RANBP3: variants seen among roughly 807,000 people sequenced by gnomAD.
RANBP3 encodes ran-binding protein 3.
Under a neutral mutation model 77.3 loss-of-function variants are expected in RANBP3, and 14 were observed. That is an observed-to-expected ratio of 0.18 (90% confidence interval 0.12 to 0.28). The LOEUF is 0.28. Ranked by LOEUF, RANBP3 falls within the 10% of genes least tolerant of loss-of-function variation. The pLI is 1.00. For missense variants in RANBP3, 586 were observed against 752.3 expected, an observed-to-expected ratio of 0.78 and a Z score of 2.59; for synonymous variants, 315 against 312.4, an observed-to-expected ratio of 1.01 and a Z score of -0.09.
rs528348451 is a variant in RANBP3 at position 5,966,337 on chromosome 19, G to A, written c.23-8364C>T. On this transcript the variant is annotated intron_variant, in intron 1 of 16. Transcript: ENST00000340578. The stretch of plus-strand genomic sequence containing the variant: ...CAACACAGTGTGTGATTATCCCAAT[G>A]GCTGATCCCCGACAAGACTGCAATC... Among the ~76,000 whole-genome samples the A allele has an allele frequency of 3.3e-5, 5 of 152,268 alleles. No individual in the cohort carries two copies. The South Asian group carries it at 1.0e-3, about 32-fold the overall frequency.
intron 7 of RANBP3, 67 bp downstream of exon 7, chr19:5,932,385 C>T (rs1358442695): frequency 2.0e-5 from 26 of 1,280,274 alleles, no homozygotes; most frequent in Non-Finnish European, 2.4e-5. Context: ...ACTGCTGTCC[C>T]GGGTGCGACT....
rs996535458 is a variant in RANBP3, at chr19:5,952,821, G to A, written c.79-1225C>T. Among the ~76,000 whole-genome samples the A allele has an allele frequency of 3.3e-5, 5 of 152,166 alleles. No homozygotes were observed. The East Asian group carries it at 9.6e-4, about 29-fold the overall frequency. On this transcript the variant is annotated intron_variant, in intron 2 of 16. Coordinates refer to ENST00000340578, the MANE Select transcript of RANBP3 (RefSeq NM_007322.3). This position sits in a 1 kb window ranked among gnomAD's most constrained non-coding sequence, Gnocchi z 4.1. ...ATCAAGGGGACACTGTCGCCTCTTC[G>A]TATCCAGGGCAGAGCCACGGACCAG...
At chr19:5,960,002 C>T (rs977697653) in intron 1 of RANBP3, among the ~76,000 whole-genome samples, 1 of 152,158 alleles carries the variant, frequency 6.6e-6, no homozygotes, top group Middle Eastern at 3.2e-3. Flanking sequence ...CATCGTCTAA[C>T]ACATGGCACA....
rs1207499914 is a variant in RANBP3, at chr19:5,973,621, G to C, written c.22+4440C>G. Among the ~76,000 whole-genome samples, 3 of 152,336 alleles carry C rather than the reference G, an allele frequency of 2.0e-5. No homozygotes were observed. The East Asian group carries it at 5.8e-4, about 29-fold the overall frequency. ...TAGGAGGACCCAGAGCCCAGGCCCTGCTGGTCTTCTGCCAGGGGCTCAGCC... is the reference window on the plus strand; with the variant it reads ...TAGGAGGACCCAGAGCCCAGGCCCTCCTGGTCTTCTGCCAGGGGCTCAGCC... On this transcript the variant is annotated intron_variant, in intron 1 of 16. Coordinates refer to ENST00000340578, the MANE Select transcript of RANBP3 (RefSeq NM_007322.3).
chr19:5,941,342 GTCAACC>G (rs200667200), intron 5 of RANBP3, among the ~76,000 whole-genome samples: 2,467 of 152,312 alleles, frequency 0.016, 75 homozygotes, highest in African/African-American at 0.057. Context: ...GCTCTCAGTA[GTCAACC>G]CCTTTCCTCC....
intron 1 of RANBP3, chr19:5,962,558 T>C: frequency 2.4e-6 from 1 of 413,686 alleles, no homozygotes; most frequent in Non-Finnish European, 4.9e-6. Context: ...TGGTCAGGGC[T>C]CTCCAGAGGA....
chr19:5,941,462 G>C (rs560765065), intron 5 of RANBP3, among the ~76,000 whole-genome samples, 159 bp downstream of exon 5: 1 of 152,262 alleles, frequency 6.6e-6, no homozygotes, highest in Admixed American at 6.5e-5. Context: ...CTGCACTCTG[G>C]ACAAGCTCTC....
chr19:5,978,071 C>T lies in RANBP3; in HGVS notation c.12G>A (p.Leu4=). Residue 4 remains leucine (L), a synonymous_variant, in exon 1 of 17, where the codon CTG becomes CTA. Transcript: ENST00000340578. ...CGGCGCCTCCCCTACCTTCGTTCGC[C>T]AGGTCCGCCATTTTACTTCCTTAAG... MAD[L]ANEEKPAIAP... The T allele has an allele frequency of 6.2e-7, 1 of 1,611,062 alleles. No homozygotes were observed. Among genetic ancestry groups the T allele is most frequent in the Non-Finnish European group, 8.5e-7 (1 of 1,178,778 alleles).
chr19:5,946,316 G>A (rs1305777340), intron 3 of RANBP3, among the ~76,000 whole-genome samples: 3 of 152,172 alleles, frequency 2.0e-5, no homozygotes, highest in Admixed American at 1.3e-4. Flanking sequence ...GGTGGAGTCC[G>A]TGTCCTCCAC....
Position 5,925,778 on chromosome 19 carries a change from G to A in RANBP3, c.814-41C>T, listed in dbSNP as rs928649054. The A allele has an allele frequency of 3.9e-6, 6 of 1,547,456 alleles. No homozygotes were observed. The Admixed American group carries it at 8.4e-5, about 22-fold the overall frequency. On this transcript the variant is annotated intron_variant, in intron 9 of 16. Transcript: ENST00000340578. ...AGCGCTCAGTAATCGGGGGTGGGGGGGTGCCTGGAGTTCCACAGCTCAGTG... is the reference window on the plus strand; with the variant it reads ...AGCGCTCAGTAATCGGGGGTGGGGGAGTGCCTGGAGTTCCACAGCTCAGTG...
At chr19:5,971,779 T>C (rs1344073351) in intron 1 of RANBP3, among the ~76,000 whole-genome samples, 2 of 152,156 alleles carry the variant, frequency 1.3e-5, no homozygotes, top group Non-Finnish European at 1.5e-5. Flanking sequence ...ACTCTAAGTG[T>C]AGAGAATGCA....
intron 7 of RANBP3, 152 bp downstream of exon 7, chr19:5,932,300 G>A (rs912575371): frequency 1.1e-5 from 7 of 655,092 alleles, no homozygotes; most frequent in South Asian, 3.8e-5. Flanking sequence ...GAGACGGCTG[G>A]GGGGTGATTT....
chr19:5,954,403 G>A (rs1009299592), intron 2 of RANBP3, among the ~76,000 whole-genome samples: 4 of 152,130 alleles, frequency 2.6e-5, no homozygotes, highest in Non-Finnish European at 5.9e-5. Context: ...TAACATTTTC[G>A]TAGGAGTAAC....
chr19:5,918,387 A>AGGGGGGGGGGGCGGGGGG, intron 15 of RANBP3, 109 bp downstream of exon 15: 1 of 529,920 alleles, frequency 1.9e-6, no homozygotes, highest in Non-Finnish European at 3.0e-6. Context: ...AAGCAACTGA[A>AGGGGGGGGGGGCGGGGGG]GCCCCTCCCC....
chr19:5,940,332 G>T (rs560394343), intron 5 of RANBP3, among the ~76,000 whole-genome samples: 1 of 152,270 alleles, frequency 6.6e-6, no homozygotes, highest in Admixed American at 6.5e-5. Flanking sequence ...TAAAATCAAC[G>T]AGCAGGAAGT....
intron 7 of RANBP3, among the ~76,000 whole-genome samples, chr19:5,931,769 A>G (rs1476870812): frequency 6.6e-6 from 1 of 152,190 alleles, no homozygotes; most frequent in African/African-American, 2.4e-5. Context: ...ACAGTGGCTC[A>G]TGTCTGTGGT....
intron 9 of RANBP3, 48 bp downstream of exon 9, chr19:5,927,920 C>T (rs1349308847): frequency 6.4e-7 from 1 of 1,568,268 alleles, no homozygotes; most frequent in Non-Finnish European, 8.6e-7. Context: ...GCTGTTGAAC[C>T]TGGGGAAGGC....
chr19:5,917,435 C>T lies in RANBP3; in HGVS notation c.*175G>A. 1.6e-6 allele frequency: 1 copy of T among 634,358 alleles called. No individual in the cohort carries two copies. Among genetic ancestry groups the T allele is most frequent in the Non-Finnish European group, 2.7e-6 (1 of 376,028 alleles). The allele number at this position is 634,358 out of a possible 1,614,324, so 39.3% of individuals were successfully genotyped here. A position where few individuals can be genotyped will look rare whatever the true frequency, so the allele number is the denominator to read the frequency against. On this transcript the variant is annotated 3_prime_UTR_variant, in exon 17 of 17. Coordinates refer to ENST00000340578, the MANE Select transcript of RANBP3 (RefSeq NM_007322.3). ...GAGGTCTCGTGTCCCAAACCACATT[C>T]AGGCAGTTCCCGAGTCTGCTTTTGA...
At chr19:5,977,795 G>C (rs898669765) in intron 1 of RANBP3, among the ~76,000 whole-genome samples, 78 of 152,192 alleles carry the variant, frequency 5.1e-4, no homozygotes, top group Non-Finnish European at 1.1e-3. Flanking sequence ...GACGCAGAGG[G>C]GCCTTAGGGC....
Sources: allele counts gnomAD v4.1 joint callset (sites outside exome capture counted in the v4.1 genomes callset), GRCh38; gene constraint gnomAD v4.1.1; non-coding constraint Gnocchi (gnomAD v3.1); transcripts MANE v1.5; gene names NCBI Gene and HGNC (gene_info 2026-07-23, HGNC 2026-07-21).